Variants in LRRC8A observed in about 807,000 individuals in gnomAD.
LRRC8A encodes the protein leucine rich repeat containing 8 VRAC subunit A.
In LRRC8A, 24 loss-of-function variants were observed where a neutral mutation model predicts 52.5. That is an observed-to-expected ratio of 0.46 (90% CI 0.33 to 0.64). The LOEUF is 0.64. Ranked by LOEUF, LRRC8A falls within the 30% of genes least tolerant of loss-of-function variation. The pLI, the probability that LRRC8A is intolerant of heterozygous loss-of-function variation, is 0.02. For synonymous variants in LRRC8A, 492 were observed against 494.2 expected (o/e 1.00, Z 0.06); for missense variants, 677 against 1,094.7 (o/e 0.62, Z 5.38).
intron 1 of LRRC8A, among the ~76,000 whole-genome samples, 175 bp from the exon 2 acceptor site, chr9:128,885,840 C>T (rs112942715): frequency 4.6e-5 from 7 of 152,162 alleles, no homozygotes; most frequent in South Asian, 2.1e-4. Flanking sequence ...ATGCGGGAGG[C>T]GGAGGTTGCA....
chr9:128,889,848 A>G, intron 2 of LRRC8A, among the ~76,000 whole-genome samples: 1 of 150,612 alleles, frequency 6.6e-6, no homozygotes, highest in East Asian at 2.0e-4. Context: ...TGTTGCCCAG[A>G]CTGGAGTGCA....
Position 128,908,813 on chromosome 9 carries a change from G to A in LRRC8A, c.1649G>A (p.Arg550Gln), listed in dbSNP as rs753446429. ...GAGCTCAAACGCCTCAAGGTGCTGC[G>A]GCTCAAGAGCAACCTAAGCAAGCTG... Reference protein sequence around the residue: ...LRELKRLKVLRLKSNLSKLPQ... With the variant: ...LRELKRLKVLQLKSNLSKLPQ... Residue 550 changes from arginine (R) to glutamine (Q), a missense_variant, in exon 3 of 4, where the codon CGG becomes CAG. Coordinates refer to ENST00000372600, the MANE Select transcript of LRRC8A (RefSeq NM_019594.4). 15 of 1,613,420 alleles carry A rather than the reference G, an allele frequency of 9.3e-6. No homozygotes were observed. The highest frequency in any genetic ancestry group is 3.3e-5 in the Admixed American group (2 of 59,996).
intron 3 of LRRC8A, among the ~76,000 whole-genome samples, chr9:128,915,129 G>T (rs1011185311): frequency 3.3e-5 from 5 of 152,184 alleles, no homozygotes; most frequent in Admixed American, 1.3e-4. Flanking sequence ...CAGTGAGCCT[G>T]CCACACATTA....
intron 2 of LRRC8A, among the ~76,000 whole-genome samples, chr9:128,895,920 A>G (rs1839806390): frequency 1.3e-5 from 2 of 152,214 alleles, no homozygotes; most frequent in African/African-American, 4.8e-5. Flanking sequence ...ACTAGAACAG[A>G]TACATCCATA....
chr9:128,882,530 C>T (rs1444962667), intron 1 of LRRC8A: 3 of 395,570 alleles, frequency 7.6e-6, no homozygotes, highest in Non-Finnish European at 1.3e-5. Context: ...GTTTCCGCCT[C>T]GGCTCCCCCA....
At chr9:128,890,965 C>T (rs936934969) in intron 2 of LRRC8A, among the ~76,000 whole-genome samples, 1 of 151,498 alleles carries the variant, frequency 6.6e-6, no homozygotes. Context: ...GCCTGGGCAA[C>T]ATAGTGACCT....
chr9:128,883,096 G>C (rs1839181014), intron 1 of LRRC8A, among the ~76,000 whole-genome samples: 1 of 152,174 alleles, frequency 6.6e-6, no homozygotes, highest in South Asian at 2.1e-4. Context: ...GGATGGGTCG[G>C]GGGTTGTCTG....
In LRRC8A at chr9:128,892,217, G is replaced by A. The variant is rs1839651147; in HGVS notation, c.-9+6096G>A. ...GGGAGATGGGGCAAGGACATACTGG[G>A]CACTTAGTTGACGGTCAGTAACTGG... On this transcript the variant is annotated intron_variant, in intron 2 of 3. Transcript: ENST00000372600. The surrounding 1 kb of genome is among the most constrained non-coding windows in gnomAD (Gnocchi z 5.2). 6.6e-6 allele frequency among the ~76,000 whole-genome samples: 1 copy of A among 152,212 alleles called. No individual in the cohort carries two copies.
chr9:128,914,901 C>G (rs1298526420), intron 3 of LRRC8A, among the ~76,000 whole-genome samples: 1 of 152,198 alleles, frequency 6.6e-6, no homozygotes, highest in East Asian at 1.9e-4. Flanking sequence ...CCACTGCAGC[C>G]CCCTGTTTGC....
At chr9:128,890,212 G>A (rs1248157340) in intron 2 of LRRC8A, among the ~76,000 whole-genome samples, 1 of 149,664 alleles carries the variant, frequency 6.7e-6, no homozygotes, top group African/African-American at 2.4e-5. Context: ...TCAAGGACGT[G>A]TGGGGCTGAG....
intron 2 of LRRC8A, among the ~76,000 whole-genome samples, chr9:128,906,384 A>G (rs1211070269): frequency 1.6e-5 from 2 of 127,188 alleles, no homozygotes; most frequent in Non-Finnish European, 3.1e-5. Context: ...GTGCAATGGC[A>G]CAATCTCAGC....
At position 128,899,226 on chromosome 9, in the gene LRRC8A, G is replaced by A. The variant is rs73622785; in HGVS notation, c.-8-7931G>A. 0.015 allele frequency among the ~76,000 whole-genome samples: 2,350 copies of A among 152,286 alleles called. 54 individuals are homozygous for A. Among genetic ancestry groups the A allele is most frequent in the African/African-American group, 0.054 (2,251 of 41,554 alleles). On this transcript the variant is annotated intron_variant, in intron 2 of 3. Coordinates refer to ENST00000372600, the MANE Select transcript of LRRC8A (RefSeq NM_019594.4). This position sits in a 1 kb window ranked among gnomAD's most constrained non-coding sequence, Gnocchi z 4.0. ...GGGAGAGAAGCTGTTCCACAGCTCC[G>A]CCAGGACGCAGTGCCAGCTGAGAGG...
chr9:128,901,172 CAA>C (rs891080446), intron 2 of LRRC8A, among the ~76,000 whole-genome samples: 2 of 148,800 alleles, frequency 1.3e-5, no homozygotes, highest in Admixed American at 6.7e-5. Context: ...GACTCCATCT[CAA>C]AAAAAACAGA....
rs776583981 is a variant in LRRC8A at position 128,907,196 on chromosome 9, C to T, written c.32C>T (p.Ala11Val). ...CCGGTGACAGAGCTCCGCTACTTTG[C>T]GGACACGCAGCCAGCATACCGGATC... MIPVTELRYF[A>V]DTQPAYRILK... The change falls in exon 3 of 4, where the codon GCG becomes GTG. Residue 11 changes from alanine (A) to valine (V), a missense_variant. Physicochemically the swap from Ala to Val is moderately conservative, Grantham distance 64. Transcript: ENST00000372600. This position sits in a 1 kb window ranked among gnomAD's most constrained non-coding sequence, Gnocchi z 9.3. 24 of 1,610,940 alleles carry T rather than the reference C, an allele frequency of 1.5e-5. No homozygotes were observed. The highest frequency in any genetic ancestry group is 1.6e-4 in the Middle Eastern group (1 of 6,078).
rs915626060 is a variant in LRRC8A at position 128,917,073 on chromosome 9, G to A, written c.*702G>A. 2 of 130,688 alleles carry A rather than the reference G, an allele frequency of 1.5e-5. No individual in the cohort carries two copies. The highest frequency in any genetic ancestry group is 6.3e-5 in the African/African-American group (2 of 31,894). 8.1% of individuals were successfully genotyped at this position (130,688 alleles called of 1,614,324 possible). On this transcript the variant is annotated 3_prime_UTR_variant, in exon 4 of 4. Coordinates refer to ENST00000372600, the MANE Select transcript of LRRC8A (RefSeq NM_019594.4). Reference sequence around the variant, plus strand: ...AAAAAACAATTTTTTTAAAAAAAAAGCTTTGAAAATGGATGGTTTGGGTAT... The same window carrying A: ...AAAAAACAATTTTTTTAAAAAAAAAACTTTGAAAATGGATGGTTTGGGTAT...
chr9:128,885,279 C>G (rs976818851), intron 1 of LRRC8A: 3 of 152,208 alleles, frequency 2.0e-5, no homozygotes, highest in African/African-American at 7.2e-5. Context: ...CTCTGCCTGA[C>G]CCAGCCACCC....
At chr9:128,889,281 T>A (rs1839511397) in intron 2 of LRRC8A, among the ~76,000 whole-genome samples, 1 of 152,104 alleles carries the variant, frequency 6.6e-6, no homozygotes, top group Non-Finnish European at 1.5e-5. Flanking sequence ...GAGTCTGCCC[T>A]GGAAGGTTGG....
chr9:128,896,373 T>C (rs1839824996), intron 2 of LRRC8A, among the ~76,000 whole-genome samples: 1 of 152,244 alleles, frequency 6.6e-6, no homozygotes, highest in African/African-American at 2.4e-5. Flanking sequence ...AATTCTTCAG[T>C]GAGCATCCTT....
In LRRC8A at chr9:128,882,204, C is replaced by G. The variant is rs1379355670; in HGVS notation, c.-162C>G. 2.6e-5 allele frequency: 4 copies of G among 153,194 alleles called. No individual in the cohort carries two copies. The East Asian group carries it at 7.7e-4, about 29-fold the overall frequency. 9.5% of individuals were successfully genotyped at this position (153,194 alleles called of 1,614,324 possible). A position where few individuals can be genotyped will look rare whatever the true frequency, so the allele number is the denominator to read the frequency against. On this transcript the variant is annotated 5_prime_UTR_variant, in exon 1 of 4. Transcript: ENST00000372600. ...TGCGGCCGGCGGCGGGACGGAGCGG[C>G]CGGGGCCTGGGGCTGCCTGCCGGGC...
Sources: allele counts gnomAD v4.1 joint callset (sites outside exome capture counted in the v4.1 genomes callset), GRCh38; gene constraint gnomAD v4.1.1; non-coding constraint Gnocchi (gnomAD v3.1); transcripts MANE v1.5; gene names NCBI Gene and HGNC (gene_info 2026-07-23, HGNC 2026-07-21).